ADAMTSL1: variants seen among roughly 807,000 people sequenced by gnomAD.
ADAMTSL1 encodes the protein ADAMTS-like protein 1.
In ADAMTSL1, 126 loss-of-function variants were observed where a neutral mutation model predicts 201.8. The ratio of observed to expected loss-of-function variants is 0.62; its 90% CI spans 0.54 to 0.72. ADAMTSL1 has a LOEUF of 0.72. Among genes scored for constraint, ADAMTSL1 ranks in the 30% least tolerant of loss-of-function variants. ADAMTSL1 has a pLI of 0.00. For missense variants in ADAMTSL1, 2,679 were observed against 2,277.8 expected (o/e 1.18, Z -3.59); for synonymous variants, 1,121 against 903.4 (o/e 1.24, Z -4.32).
intron 2 of ADAMTSL1, among the ~76,000 whole-genome samples, chr9:18,449,687 G>A (rs1232028863): frequency 6.6e-6 from 1 of 151,992 alleles, no homozygotes; most frequent in African/African-American, 2.4e-5. Context: ...TCAGTAATAG[G>A]AAAATAACCC....
At chr9:18,354,379 A>G (rs1461322091) in intron 2 of ADAMTSL1, among the ~76,000 whole-genome samples, 1 of 152,210 alleles carries the variant, frequency 6.6e-6, no homozygotes, top group African/African-American at 2.4e-5. Flanking sequence ...GTTTTTAAAC[A>G]AATGATATAA....
chr9:18,864,511 GA>G (rs1413200717), intron 23 of ADAMTSL1, among the ~76,000 whole-genome samples: 1 of 152,158 alleles, frequency 6.6e-6, no homozygotes, highest in Non-Finnish European at 1.5e-5. Flanking sequence ...ACTATATAAT[GA>G]CCCTTGTATT....
intron 2 of ADAMTSL1, among the ~76,000 whole-genome samples, chr9:18,240,555 A>G (rs1831022652): frequency 6.6e-6 from 1 of 152,166 alleles, no homozygotes; most frequent in African/African-American, 2.4e-5. Flanking sequence ...TTAACCCATA[A>G]CAAGAGAGTT....
chr9:18,130,931 C>T (rs1167490601), intron 1 of ADAMTSL1, among the ~76,000 whole-genome samples: 1 of 152,056 alleles, frequency 6.6e-6, no homozygotes, highest in Non-Finnish European at 1.5e-5. Flanking sequence ...CCATTCCTGA[C>T]TAGTGGTTTT....
At chr9:18,807,480 T>A (rs1321104910) in intron 20 of ADAMTSL1, among the ~76,000 whole-genome samples, 1 of 151,634 alleles carries the variant, frequency 6.6e-6, no homozygotes, top group Admixed American at 6.6e-5. Flanking sequence ...CCGTCTCTAC[T>A]AAAAAATACA....
intron 2 of ADAMTSL1, among the ~76,000 whole-genome samples, chr9:18,410,617 A>G (rs975672658): frequency 6.6e-6 from 1 of 152,054 alleles, no homozygotes; most frequent in African/African-American, 2.4e-5. Context: ...TCTTTATTCT[A>G]TCATTGATGG....
intron 2 of ADAMTSL1, among the ~76,000 whole-genome samples, chr9:18,211,285 C>T (rs10963522): frequency 0.19 from 29,515 of 151,962 alleles, 2,948 homozygotes; most frequent in East Asian, 0.25. Flanking sequence ...ATTTTGTGAT[C>T]GTGACCACCC....
intron 21 of ADAMTSL1, among the ~76,000 whole-genome samples, chr9:18,824,767 G>A (rs746858131): frequency 8.4e-5 from 11 of 131,696 alleles, no homozygotes; most frequent in East Asian, 2.3e-4. Context: ...AGGTGATCTC[G>A]GCTCACTGCA....
At chr9:18,503,336 C>G (rs1272600862) in intron 1 of ADAMTSL1, among the ~76,000 whole-genome samples, 1 of 150,736 alleles carries the variant, frequency 6.6e-6, no homozygotes, top group African/African-American at 2.4e-5. Context: ...ACTTATTTCA[C>G]TTCGTGTCAT....
At chr9:18,174,394 T>G (rs1010533542) in intron 2 of ADAMTSL1, among the ~76,000 whole-genome samples, 1 of 152,136 alleles carries the variant, frequency 6.6e-6, no homozygotes, top group African/African-American at 2.4e-5. Flanking sequence ...TTGAACAAGG[T>G]CATTTGGCAT....
intron 2 of ADAMTSL1, among the ~76,000 whole-genome samples, chr9:18,453,738 C>T (rs1453252490): frequency 6.6e-6 from 1 of 152,130 alleles, no homozygotes; most frequent in Non-Finnish European, 1.5e-5. Context: ...AATTTCTTGG[C>T]CACTTATAAG....
rs553565954 is a variant in ADAMTSL1, at chr9:18,031,889, G to C, written c.87+124967G>C. ...TCTGTGAGTGGTCTGATGATACAGG[G>C]GTCAAAGGCACATGATCCTGGGCAG... On this transcript the variant is annotated intron_variant, in intron 1 of 29. Transcript: ENST00000680146. 2.8e-4 allele frequency among the ~76,000 whole-genome samples: 43 copies of C among 152,266 alleles called. No individual in the cohort carries two copies. The South Asian group carries it at 6.6e-3, about 23-fold the overall frequency.
chr9:18,527,807 C>G (rs2132073480), intron 2 of ADAMTSL1, among the ~76,000 whole-genome samples: 1 of 152,190 alleles, frequency 6.6e-6, no homozygotes, highest in Admixed American at 6.5e-5. Flanking sequence ...TCTGACTGGG[C>G]AGGAGTAAAA....
chr9:18,465,041 G>T (rs1036113912), intron 2 of ADAMTSL1, among the ~76,000 whole-genome samples: 2 of 152,088 alleles, frequency 1.3e-5, no homozygotes, highest in African/African-American at 2.4e-5. Flanking sequence ...TTCAATGTAG[G>T]GATTCCTATG....
intron 2 of ADAMTSL1, among the ~76,000 whole-genome samples, chr9:18,453,811 A>G (rs886236784): frequency 6.6e-6 from 1 of 152,174 alleles, no homozygotes; most frequent in Non-Finnish European, 1.5e-5. Flanking sequence ...CATTCCATGA[A>G]CTATCAGTGC....
intron 4 of ADAMTSL1, among the ~76,000 whole-genome samples, chr9:18,607,830 C>T (rs1054135469): frequency 1.3e-5 from 2 of 150,952 alleles, no homozygotes; most frequent in South Asian, 2.1e-4. Flanking sequence ...ATGCGGTGTT[C>T]GGTTTTTTGT....
At chr9:17,945,377 A>T (rs2131358646) in intron 1 of ADAMTSL1, among the ~76,000 whole-genome samples, 1 of 110,838 alleles carries the variant, frequency 9.0e-6, no homozygotes, top group Non-Finnish European at 1.9e-5. Flanking sequence ...GGGACTGTAA[A>T]CTAGTTCAAC....
intron 19 of ADAMTSL1, among the ~76,000 whole-genome samples, chr9:18,794,358 G>A (rs1002907852): frequency 6.6e-6 from 1 of 151,116 alleles, no homozygotes; most frequent in African/African-American, 2.4e-5. Context: ...GCAGTGAGCT[G>A]TGTTTGTGCC....
intron 9 of ADAMTSL1, among the ~76,000 whole-genome samples, chr9:18,672,035 T>TA (rs1829849145): frequency 6.6e-6 from 1 of 151,866 alleles, no homozygotes; most frequent in Admixed American, 6.6e-5. Context: ...AGACTCCATC[T>TA]CAAAAAAATT....
Sources: allele counts gnomAD v4.1 joint callset (sites outside exome capture counted in the v4.1 genomes callset), GRCh38; gene constraint gnomAD v4.1.1; transcripts MANE v1.5; gene names NCBI Gene and HGNC (gene_info 2026-07-23, HGNC 2026-07-21).